The following GRM5 variants were observed in gnomAD, a reference collection of about 807,000 sequenced individuals.
The protein encoded by GRM5 is glutamate metabotropic receptor 5, also known as metabotropic glutamate receptor 5.
A neutral mutation model predicts 83.1 loss-of-function variants in GRM5; 19 were observed. The ratio of observed to expected loss-of-function variants is 0.23; its 90% CI spans 0.16 to 0.34. GRM5 has a LOEUF of 0.34. GRM5 is among the 10% of genes least tolerant of loss of function. The pLI is 1.00. For synonymous variants in GRM5, 675 were observed against 633.6 expected (o/e 1.07, Z -0.98); for missense variants, 1,160 against 1,588.3 (o/e 0.73, Z 4.58).
chr11:88,530,929 A>G (rs1209358222), intron 8 of GRM5, among the ~76,000 whole-genome samples: 1 of 152,024 alleles, frequency 6.6e-6, no homozygotes, highest in Non-Finnish European at 1.5e-5. Flanking sequence ...AACTGGGGGG[A>G]AGAAAGAAGC....
chr11:88,671,663 T>C (rs1940196963), intron 3 of GRM5, among the ~76,000 whole-genome samples: 1 of 152,006 alleles, frequency 6.6e-6, no homozygotes, highest in Non-Finnish European at 1.5e-5. Flanking sequence ...TTAAAGAAAA[T>C]ATACGGAAAG....
chr11:88,506,773 A>C lies in GRM5; in HGVS notation c.*1819T>G, dbSNP rs1005656297. On this transcript the variant is annotated 3_prime_UTR_variant, in exon 10 of 10. Coordinates refer to ENST00000305447, the MANE Select transcript of GRM5 (RefSeq NM_001143831.3). ...TTTATTAGAATTTTTTAAAGTGAAG[A>C]ATGATAAATTATGCCAATGGACTGA... 2.0e-5 allele frequency: 3 copies of C among 152,210 alleles called. No homozygotes were observed. The highest frequency in any genetic ancestry group is 7.2e-5 in the African/African-American group (3 of 41,458). 9.4% of individuals were successfully genotyped at this position (152,210 alleles called of 1,614,324 possible).
At chr11:88,705,688 A>C (rs7479176) in intron 3 of GRM5, among the ~76,000 whole-genome samples, 147,924 of 151,462 alleles carry the variant, frequency 0.98, 72,345 homozygotes, top group East Asian at 1. Flanking sequence ...CTAATCTCAT[A>C]TATATTCCAT....
chr11:88,748,556 T>C (rs530724926), intron 3 of GRM5, among the ~76,000 whole-genome samples: 209 of 152,174 alleles, frequency 1.4e-3, no homozygotes, highest in African/African-American at 4.9e-3. Context: ...GAGAAAGGGT[T>C]CACCGCAATG....
chr11:88,519,335 T>C (rs1941613710), intron 9 of GRM5, among the ~76,000 whole-genome samples: 1 of 152,034 alleles, frequency 6.6e-6, no homozygotes, highest in South Asian at 2.1e-4. Context: ...AAGGAGAACA[T>C]ATGTACAGAA....
chr11:88,556,040 A>G (rs928620085), intron 8 of GRM5, among the ~76,000 whole-genome samples: 1 of 152,170 alleles, frequency 6.6e-6, no homozygotes, highest in South Asian at 2.1e-4. Flanking sequence ...GACTTCTAGA[A>G]AAGCAGTTAA....
At chr11:88,638,159 G>C (rs960416680) in intron 4 of GRM5, among the ~76,000 whole-genome samples, 1 of 111,540 alleles carries the variant, frequency 9.0e-6, no homozygotes, top group Non-Finnish European at 1.7e-5. Context: ...CTGTGGTGGG[G>C]TGGGGGGAGG....
chr11:88,567,228 C>A lies in GRM5; in HGVS notation c.2455G>T (p.Val819Leu), dbSNP rs1239206665. 6.2e-7 allele frequency: 1 copy of A among 1,614,152 alleles called. No individual in the cohort carries two copies. The highest frequency in any genetic ancestry group is 8.5e-7 in the Non-Finnish European group (1 of 1,180,016). Residue 819 changes from valine to leucine, a missense_variant, in exon 8 of 10, where the codon GTG (valine) becomes TTG (leucine). By Grantham distance (32) the Val-to-Leu change is conservative. This residue lies in a region of GRM5 where 66 missense variants were observed against 138.6 expected (regional missense o/e 0.48). Coordinates refer to ENST00000305447, the MANE Select transcript of GRM5 (RefSeq NM_001143831.3). This position sits in a 1 kb window ranked among gnomAD's most constrained non-coding sequence, Gnocchi z 7.3. ...SATVALGCMF[V>L]PKVYIILAKP... The stretch of plus-strand genomic sequence containing the variant: ...GCCAGGATGATGTACACCTTCGGCA[C>A]AAACATGCAGCCTAGGGCCACTGTG...
At chr11:88,810,972 G>A (rs1197579534) in intron 3 of GRM5, among the ~76,000 whole-genome samples, 1 of 152,054 alleles carries the variant, frequency 6.6e-6, no homozygotes, top group Non-Finnish European at 1.5e-5. Flanking sequence ...TCTGTAAAAC[G>A]GGAACAAGAC....
intron 2 of GRM5, among the ~76,000 whole-genome samples, chr11:88,964,828 A>G (rs1016429428): frequency 6.6e-6 from 1 of 152,186 alleles, no homozygotes; most frequent in African/African-American, 2.4e-5. Context: ...TTTGTATATT[A>G]AAAAAGAATT....
chr11:88,613,078 A>T (rs966065056), intron 4 of GRM5, among the ~76,000 whole-genome samples: 1 of 152,052 alleles, frequency 6.6e-6, no homozygotes, highest in African/African-American at 2.4e-5. Context: ...GTATGATGTC[A>T]ATTTCTTTGA....
intron 3 of GRM5, among the ~76,000 whole-genome samples, chr11:88,749,433 T>G (rs1354902395): frequency 6.6e-6 from 1 of 152,048 alleles, no homozygotes; most frequent in Non-Finnish European, 1.5e-5. Context: ...CTGAGAAATA[T>G]GGGATTATGT....
chr11:88,715,181 T>C (rs1308801904), intron 3 of GRM5, among the ~76,000 whole-genome samples: 1 of 152,054 alleles, frequency 6.6e-6, no homozygotes, highest in Non-Finnish European at 1.5e-5. Context: ...ATAGTACCTG[T>C]TACATACTAT....
At position 89,019,407 on chromosome 11, in the gene GRM5, C is replaced by T. The variant is rs553477255; in HGVS notation, c.661+27805G>A. 2.6e-5 allele frequency among the ~76,000 whole-genome samples: 4 copies of T among 151,928 alleles called. No homozygotes were observed. In the South Asian group the frequency reaches 8.3e-4, roughly 32 times the overall value. On this transcript the variant is annotated intron_variant, in intron 2 of 9. Coordinates refer to ENST00000305447, the MANE Select transcript of GRM5 (RefSeq NM_001143831.3). ...GAAAAATGTCATATCAAGAACAAAC[C>T]CTTTCAGCTGGGCATGGTGGCTCAC... is the stretch of plus-strand genomic sequence containing the variant.
At chr11:88,748,712 C>A (rs376709838) in intron 3 of GRM5, among the ~76,000 whole-genome samples, 1 of 152,050 alleles carries the variant, frequency 6.6e-6, no homozygotes, top group Admixed American at 6.5e-5. Flanking sequence ...GGTCAGTACC[C>A]CCCCAGGACC....
chr11:89,022,883 T>C (rs1025643516), intron 2 of GRM5, among the ~76,000 whole-genome samples: 6 of 151,998 alleles, frequency 3.9e-5, no homozygotes, highest in Admixed American at 3.9e-4. Flanking sequence ...TTGAACTAGG[T>C]CTTAGATTTA....
At chr11:88,516,807 T>C (rs1941533018) in intron 9 of GRM5, among the ~76,000 whole-genome samples, 1 of 152,108 alleles carries the variant, frequency 6.6e-6, no homozygotes, top group African/African-American at 2.4e-5. Flanking sequence ...CTTGGGATGC[T>C]GAGCACTGTA....
At chr11:89,049,442 G>A (rs995280429) in intron 1 of GRM5, among the ~76,000 whole-genome samples, 4 of 152,114 alleles carry the variant, frequency 2.6e-5, no homozygotes, top group Non-Finnish European at 4.4e-5. Flanking sequence ...TTATTTTAAA[G>A]TGACTAACTT....
chr11:88,999,145 A>G (rs1259771188), intron 2 of GRM5, among the ~76,000 whole-genome samples: 1 of 152,182 alleles, frequency 6.6e-6, no homozygotes, highest in Non-Finnish European at 1.5e-5. Context: ...CTAGAAGAAA[A>G]CCTAGGCAAT....
Sources: gnomAD v4.1 joint callset for allele counts (sites outside exome capture counted in the v4.1 genomes callset) on GRCh38, gnomAD v4.1.1 for gene constraint, gnomAD v4.1.1 regional missense constraint, Gnocchi (gnomAD v3.1) non-coding constraint, MANE v1.5 for transcripts, NCBI Gene and HGNC (gene_info 2026-07-23, HGNC 2026-07-21) for gene names.